Variants in ADCY5 observed in about 807,000 individuals in gnomAD.
ADCY5 encodes the protein adenylate cyclase type 5.
In ADCY5, 30 loss-of-function variants were observed where a neutral mutation model predicts 119.7. The ratio of observed to expected loss-of-function variants is 0.25; its 90% CI spans 0.19 to 0.34. ADCY5 has a LOEUF of 0.34. ADCY5 is among the 10% of genes least tolerant of loss of function. The probability of loss-of-function intolerance (pLI) is 1.00; values close to 1 mark genes in which losing one functional copy is unlikely to be tolerated. For synonymous variants in ADCY5, 753 were observed against 762.2 expected (o/e 0.99, Z 0.20); for missense variants, 1,324 against 1,775.2 (o/e 0.75, Z 4.57).
chr3:123,400,953 A>C (rs9865168), intron 1 of ADCY5, among the ~76,000 whole-genome samples: 1 of 151,578 alleles, frequency 6.6e-6, no homozygotes, highest in East Asian at 1.9e-4. Flanking sequence ...AAAAAAAAGA[A>C]ATAAAAATAA....
chr3:123,431,937 C>T (rs1050958514), intron 1 of ADCY5, among the ~76,000 whole-genome samples: 1 of 152,146 alleles, frequency 6.6e-6, no homozygotes, highest in Non-Finnish European at 1.5e-5. Flanking sequence ...AATCCTGGCG[C>T]ACAACAGAAT....
chr3:123,331,287 C>T (rs989147184), intron 4 of ADCY5, among the ~76,000 whole-genome samples: 2 of 152,220 alleles, frequency 1.3e-5, no homozygotes, highest in Non-Finnish European at 2.9e-5. Context: ...TAAAGATCCA[C>T]TCCAGAGCCC....
chr3:123,345,888 C>T (rs1258166097), intron 3 of ADCY5, among the ~76,000 whole-genome samples: 1 of 152,200 alleles, frequency 6.6e-6, no homozygotes. Flanking sequence ...GGACACACTC[C>T]TTTCTCCTGG....
chr3:123,339,376 G>A (rs1161602954), intron 3 of ADCY5, among the ~76,000 whole-genome samples: 2 of 152,162 alleles, frequency 1.3e-5, no homozygotes, highest in East Asian at 1.9e-4. Flanking sequence ...CTGGGCTGAG[G>A]TCAGACACCA....
At chr3:123,377,052 G>T (rs545110377) in intron 1 of ADCY5, among the ~76,000 whole-genome samples, 1 of 152,194 alleles carries the variant, frequency 6.6e-6, no homozygotes, top group South Asian at 2.1e-4. Context: ...CGTGTTCTCC[G>T]CCACACACAC....
rs56194151 is a variant in ADCY5 at position 123,447,793 on chromosome 3, G to A, written c.753C>T (p.Leu251=). The stretch of plus-strand genomic sequence containing the variant: ...GGAAGGCCAACATGACCAGGCACAC[G>A]AGCACCAGCACGGCCATGAGCATGG... ...SLTMLMAVLV[L]VCLVMLAFHA... The change falls in exon 1 of 21, where the codon CTC becomes CTT. Residue 251 remains leucine (L), a synonymous_variant. Coordinates refer to ENST00000462833, the MANE Select transcript of ADCY5 (RefSeq NM_183357.3). The A allele has an allele frequency of 0.017, 27,569 of 1,611,736 alleles. 298 individuals carry two copies. The highest frequency in any genetic ancestry group is 0.021 in the Non-Finnish European group (24,221 of 1,178,912).
In ADCY5 at chr3:123,297,372, TGAA is replaced by T. The variant is rs757574016; in HGVS notation, c.2908_2910del (p.Phe970del). On this transcript the variant is annotated inframe_deletion, in exon 16 of 21. Transcript: ENST00000462833. ...ACTCACCACTGGGAGGTCCCGTTGTTGAAGAAGTCTCTGTGAAGAGAGTTGGGG... is the reference window on the plus strand; with the variant it reads ...ACTCACCACTGGGAGGTCCCGTTGTTGAAGTCTCTGTGAAGAGAGTTGGGG... 22 of 1,613,908 alleles carry T rather than the reference TGAA, an allele frequency of 1.4e-5. No individual in the cohort carries two copies. Among genetic ancestry groups the T allele is most frequent in the Admixed American group, 3.3e-5 (2 of 60,006 alleles).
intron 15 of ADCY5, among the ~76,000 whole-genome samples, chr3:123,298,278 G>A (rs1939639305): frequency 6.6e-6 from 1 of 152,126 alleles, no homozygotes; most frequent in Non-Finnish European, 1.5e-5. Context: ...ACAGCACCCG[G>A]CCCACTTTTT....
At chr3:123,360,351 T>G (rs541558821) in intron 1 of ADCY5, among the ~76,000 whole-genome samples, 1 of 152,248 alleles carries the variant, frequency 6.6e-6, no homozygotes, top group South Asian at 2.1e-4. Flanking sequence ...AGGATCTAGC[T>G]GCTCTGGGAT....
chr3:123,311,163 T>G (rs1202482182), intron 12 of ADCY5, among the ~76,000 whole-genome samples: 1 of 152,246 alleles, frequency 6.6e-6, no homozygotes, highest in Admixed American at 6.5e-5. Context: ...AACTGTCGCA[T>G]CTCATTGCAA....
rs767071906 is a variant in ADCY5 at position 123,447,927 on chromosome 3, C to T, written c.619G>A (p.Ala207Thr). Residue 207 changes from alanine to threonine, a missense_variant, in exon 1 of 21, where the codon GCC becomes ACC. Coordinates refer to ENST00000462833, the MANE Select transcript of ADCY5 (RefSeq NM_183357.3). Reference sequence around the variant, plus strand: ...ATCTGCAGCAACGCCAGGCAGCAGGCGCCCAGGGACAGCACCGCGCCGGGC... The same window carrying T: ...ATCTGCAGCAACGCCAGGCAGCAGGTGCCCAGGGACAGCACCGCGCCGGGC... ...AGPGAVLSLG[A>T]CCLALLQIFR... The T allele has an allele frequency of 1.9e-6, 3 of 1,602,456 alleles. No individual in the cohort carries two copies. The highest frequency in any genetic ancestry group is 1.3e-5 in the African/African-American group (1 of 74,806).
intron 1 of ADCY5, among the ~76,000 whole-genome samples, chr3:123,411,092 C>T (rs1439040473): frequency 6.6e-6 from 1 of 152,194 alleles, no homozygotes; most frequent in African/African-American, 2.4e-5. Context: ...ACTACCAAGC[C>T]TAACCCGTTC....
intron 14 of ADCY5, among the ~76,000 whole-genome samples, chr3:123,300,622 T>C (rs1939795170): frequency 6.6e-6 from 1 of 152,192 alleles, no homozygotes; most frequent in African/African-American, 2.4e-5. Context: ...TGAGCCTCAG[T>C]GTCCCCTCTG....
chr3:123,346,607 TTCTCTCTCTCTCTCTC>T (rs72299981), intron 3 of ADCY5, among the ~76,000 whole-genome samples: 4 of 128,072 alleles, frequency 3.1e-5, no homozygotes, highest in African/African-American at 1.1e-4. Flanking sequence ...CAGCCTCACC[TTCTCTCTCTCTCTCTC>T]TCTCTCTCTC....
At chr3:123,409,837 C>T (rs2107621770) in intron 1 of ADCY5, among the ~76,000 whole-genome samples, 1 of 152,334 alleles carries the variant, frequency 6.6e-6, no homozygotes, top group South Asian at 2.1e-4. Flanking sequence ...TCCCACCCTC[C>T]AAGCCCCAGT....
chr3:123,409,896 C>T (rs2107621872), intron 1 of ADCY5, among the ~76,000 whole-genome samples: 1 of 152,338 alleles, frequency 6.6e-6, no homozygotes, highest in Admixed American at 6.5e-5. Context: ...AATCTATCAC[C>T]TGGATATAAA....
At chr3:123,353,507 C>T (rs563882778) in intron 1 of ADCY5, among the ~76,000 whole-genome samples, 26 of 152,272 alleles carry the variant, frequency 1.7e-4, no homozygotes, top group African/African-American at 6.3e-4. Context: ...CAATGATGCT[C>T]CGGCTCCTAG....
intron 11 of ADCY5, among the ~76,000 whole-genome samples, chr3:123,317,213 T>C (rs945185572): frequency 2.0e-5 from 3 of 152,226 alleles, no homozygotes; most frequent in Non-Finnish European, 1.5e-5. Flanking sequence ...ATAGGCTTTG[T>C]CGGAGACACA....
intron 19 of ADCY5, among the ~76,000 whole-genome samples, chr3:123,288,008 T>A (rs1413708860): frequency 6.6e-6 from 1 of 152,196 alleles, no homozygotes; most frequent in African/African-American, 2.4e-5. Flanking sequence ...AGAATGGCAA[T>A]GTTACACAAG....
Sources: gnomAD v4.1 joint callset for allele counts (sites outside exome capture counted in the v4.1 genomes callset) on GRCh38, gnomAD v4.1.1 for gene constraint, MANE v1.5 for transcripts, NCBI Gene and HGNC (gene_info 2026-07-23, HGNC 2026-07-21) for gene names.